MYPN: variants seen among roughly 807,000 people sequenced by gnomAD.
MYPN encodes sarcomeric protein myopalladin, 145 kDa (MYOP).
Under a neutral mutation model 129.4 loss-of-function variants are expected in MYPN, and 63 were observed. That is an observed-to-expected ratio of 0.49 (90% CI 0.40 to 0.60). The LOEUF is 0.60. Among genes scored for constraint, MYPN ranks in the 20% least tolerant of loss-of-function variants. MYPN has a pLI of 0.00. For synonymous variants in MYPN, 629 were observed against 600.9 expected (o/e 1.05, Z -0.68); for missense variants, 1,596 against 1,635.4 (o/e 0.98, Z 0.42).
intron 2 of MYPN, among the ~76,000 whole-genome samples, chr10:68,122,697 C>A (rs150653637): frequency 7.2e-5 from 11 of 151,738 alleles, no homozygotes; most frequent in African/African-American, 2.7e-4. Flanking sequence ...AGGTCGGGAG[C>A]TCGAGACCAG....
At chr10:68,168,303 G>A (rs2043085052) in intron 10 of MYPN, among the ~76,000 whole-genome samples, 1 of 152,224 alleles carries the variant, frequency 6.6e-6, no homozygotes, top group Non-Finnish European at 1.5e-5. Context: ...AGTTCTCAGA[G>A]AAGGGAGTTA....
chr10:68,173,769 C>T lies in MYPN; in HGVS notation c.1974-297C>T, dbSNP rs568204332. Among the ~76,000 whole-genome samples, 13 of 151,710 alleles carry T rather than the reference C, an allele frequency of 8.6e-5. No homozygotes were observed. In the East Asian group the frequency reaches 2.3e-3, roughly 27 times the overall value. On this transcript the variant is annotated intron_variant, in intron 10 of 19. Coordinates refer to ENST00000358913, the MANE Select transcript of MYPN (RefSeq NM_032578.4). Reference sequence around the variant, plus strand: ...ACTAAAGCAATCCTCCCACCACAGCCTCCTGAGTAGCTGGGGCTACAGGCG... The same window carrying T: ...ACTAAAGCAATCCTCCCACCACAGCTTCCTGAGTAGCTGGGGCTACAGGCG...
At chr10:68,105,685 AT>A (rs1367036664), upstream of MYPN, among the ~76,000 whole-genome samples, 5 of 152,238 alleles carry the variant, frequency 3.3e-5, no homozygotes, top group African/African-American at 1.2e-4. Context: ...TCACCTTAAA[AT>A]TAGGGGAACA....
intron 12 of MYPN, among the ~76,000 whole-genome samples, chr10:68,180,794 C>T (rs1266825815): frequency 1.3e-5 from 2 of 152,084 alleles, no homozygotes; most frequent in East Asian, 1.9e-4. Flanking sequence ...CATTATGGTT[C>T]GCAACAGAAA....
At chr10:68,116,319 A>G in intron 1 of MYPN, among the ~76,000 whole-genome samples, 1 of 152,284 alleles carries the variant, frequency 6.6e-6, no homozygotes, top group Middle Eastern at 3.4e-3. Flanking sequence ...TTTGGCTAAT[A>G]TTTTATCAGT....
intron 12 of MYPN, among the ~76,000 whole-genome samples, chr10:68,188,579 G>T (rs2043459072): frequency 6.6e-6 from 1 of 152,138 alleles, no homozygotes; most frequent in African/African-American, 2.4e-5. Flanking sequence ...TAATGCTATA[G>T]GAAGTTTTCC....
rs2043922129 is a variant in MYPN at position 68,211,836 on chromosome 10, A to T, written c.*1381A>T. The T allele has an allele frequency of 2.2e-6, 1 of 453,944 alleles. No individual in the cohort carries two copies. The highest frequency in any genetic ancestry group is 4.4e-6 in the Non-Finnish European group (1 of 226,716). The allele number at this position is 453,944 out of a possible 1,614,324, so 28.1% of individuals were successfully genotyped here. On this transcript the variant is annotated 3_prime_UTR_variant, in exon 20 of 20. Transcript: ENST00000358913. Reference sequence around the variant, plus strand: ...AGTTTGCTCTAGGCTGTGCAGGGAAATGAATTGCAGGTGTCTGTTTTCAAT... The same window carrying T: ...AGTTTGCTCTAGGCTGTGCAGGGAATTGAATTGCAGGTGTCTGTTTTCAAT...
rs545084801 is a variant in MYPN, at chr10:68,195,329, C to T, written c.3076-121C>T. On this transcript the variant is annotated intron_variant, in intron 14 of 19. Coordinates refer to ENST00000358913, the MANE Select transcript of MYPN (RefSeq NM_032578.4). ...CATATTTTATTGTTTTTATTTCTCT[C>T]CCCCAAAGAAAAACTCATAATAGCC... 44 of 773,020 alleles carry T rather than the reference C, an allele frequency of 5.7e-5. 1 individual carries two copies. In the South Asian group the frequency reaches 5.8e-4, roughly 10 times the overall value. The allele number at this position is 773,020 out of a possible 1,614,324, so 47.9% of individuals were successfully genotyped here. A position where few individuals can be genotyped will look rare whatever the true frequency, so the allele number is the denominator to read the frequency against.
chr10:68,098,686 T>C (rs1338597557), intron 1 of MYPN, among the ~76,000 whole-genome samples: 1 of 151,832 alleles, frequency 6.6e-6, no homozygotes, highest in Non-Finnish European at 1.5e-5. Flanking sequence ...TCTTTAAAAA[T>C]ACAAAAATTA....
Position 68,201,868 on chromosome 10 carries a change from TAC to T in MYPN, c.3535_3536del (p.Gln1179GlufsTer31). The T allele has an allele frequency of 6.2e-7, 1 of 1,613,828 alleles. No homozygotes were observed. The highest frequency in any genetic ancestry group is 8.5e-7 in the Non-Finnish European group (1 of 1,179,982). ...AAAGCACCTGTGATCCTGGAGAAAC[TAC>T]AGAACTGCGGTGTTCCCGAAGGCCA... On this transcript the variant is annotated frameshift_variant, in exon 18 of 20. Transcript: ENST00000358913. LOFTEE classifies it high-confidence loss of function.
chr10:68,115,336 C>A (rs374625269), intron 1 of MYPN, among the ~76,000 whole-genome samples: 10 of 150,148 alleles, frequency 6.7e-5, no homozygotes, highest in African/African-American at 2.4e-4. Flanking sequence ...TTACGATTTT[C>A]TTTCCTGAAA....
intron 12 of MYPN, 73 bp from the exon 13 acceptor site, chr10:68,188,832 C>T: frequency 1.6e-6 from 2 of 1,278,446 alleles, no homozygotes; most frequent in South Asian, 1.3e-5. Flanking sequence ...TAAAAAGTGG[C>T]TTCCTCAATT....
chr10:68,143,553 G>T (rs543451987), intron 3 of MYPN, among the ~76,000 whole-genome samples: 286 of 152,156 alleles, frequency 1.9e-3, no homozygotes, highest in African/African-American at 6.5e-3. Flanking sequence ...TGTGGCCAGG[G>T]TGGAGTGAGC....
At chr10:68,089,029 T>G (rs2041918869) in intron 1 of MYPN, among the ~76,000 whole-genome samples, 1 of 152,104 alleles carries the variant, frequency 6.6e-6, no homozygotes, top group East Asian at 1.9e-4. Flanking sequence ...TTTTGTGAGT[T>G]CGTTTGTTTG....
chr10:68,155,244 AATT>A (rs1462014833), intron 6 of MYPN, among the ~76,000 whole-genome samples: 1 of 152,166 alleles, frequency 6.6e-6, no homozygotes, highest in African/African-American at 2.4e-5. Flanking sequence ...GCTAAGAAGA[AATT>A]ATTATTTTCA....
chr10:68,163,534 C>G (rs776992901), intron 8 of MYPN, among the ~76,000 whole-genome samples: 1 of 151,630 alleles, frequency 6.6e-6, no homozygotes, highest in South Asian at 2.1e-4. Context: ...GAGGCTGAGG[C>G]GAGAGAATGG....
intron 2 of MYPN, among the ~76,000 whole-genome samples, chr10:68,139,768 T>C (rs916195384): frequency 7.9e-5 from 12 of 152,334 alleles, no homozygotes; most frequent in Admixed American, 7.2e-4. Context: ...CTGTGAATTT[T>C]TTCCATCATT....
At position 68,150,028 on chromosome 10, in the gene MYPN, C is replaced by G; in HGVS notation, c.1246-12C>G. On this transcript the variant is annotated splice_polypyrimidine_tract_variant and intron_variant, in intron 5 of 19. Coordinates refer to ENST00000358913, the MANE Select transcript of MYPN (RefSeq NM_032578.4). ...AGTAACAATGAATTTACTGTTGCTT[C>G]CCTTCTACCAGTGTCAGAGCCCCAC... 6.2e-7 allele frequency: 1 copy of G among 1,609,832 alleles called. No individual in the cohort carries two copies. The highest frequency in any genetic ancestry group is 1.1e-5 in the South Asian group (1 of 91,006).
chr10:68,116,344 A>G (rs1036324294), intron 1 of MYPN, among the ~76,000 whole-genome samples: 1 of 152,210 alleles, frequency 6.6e-6, no homozygotes, highest in Admixed American at 6.5e-5. Context: ...CAATTTATAT[A>G]TGCATTTTCA....
Sources: allele counts gnomAD v4.1 joint callset (sites outside exome capture counted in the v4.1 genomes callset), GRCh38; gene constraint gnomAD v4.1.1; transcripts MANE v1.5; gene names NCBI Gene and HGNC (gene_info 2026-07-23, HGNC 2026-07-21).